Variants in E2F6 observed in about 807,000 individuals in gnomAD.
E2F6 encodes the protein transcription factor E2F6.
E2F6 carries 19 observed loss-of-function variants against 31.5 expected under a neutral mutation model. The ratio of observed to expected loss-of-function variants is 0.60; its 90% CI spans 0.42 to 0.89. The LOEUF (loss-of-function observed/expected upper bound fraction) is 0.89. E2F6 is among the 40% of genes least tolerant of loss of function. E2F6 has a pLI of 0.00. For synonymous variants in E2F6, 121 were observed against 127.7 expected, an observed-to-expected ratio of 0.95 and a Z score of 0.36; for missense variants, 269 against 341.6, an observed-to-expected ratio of 0.79 and a Z score of 1.67.
chr2:11,458,752 T>C (rs889173285), intron 1 of E2F6, among the ~76,000 whole-genome samples: 13 of 152,322 alleles, frequency 8.5e-5, no homozygotes, highest in African/African-American at 3.1e-4. Context: ...GACAAGATGA[T>C]AGCATCTATT....
intron 5 of E2F6, among the ~76,000 whole-genome samples, chr2:11,449,482 T>C (rs1312560958): frequency 1.3e-5 from 2 of 152,194 alleles, no homozygotes; most frequent in Non-Finnish European, 1.5e-5. Context: ...GCAATTATCT[T>C]TCAATGCAAA....
intron 5 of E2F6, among the ~76,000 whole-genome samples, chr2:11,448,010 T>C (rs1248525160): frequency 1.3e-5 from 2 of 152,180 alleles, no homozygotes; most frequent in African/African-American, 4.8e-5. Context: ...ACTCAGGAGC[T>C]GACCCTTCAA....
rs1284597805 is a variant in E2F6, at chr2:11,444,786, C to G, written c.*1691G>C. The G allele has an allele frequency of 6.6e-6, 1 of 152,278 alleles. No individual in the cohort carries two copies. The highest frequency in any genetic ancestry group is 2.4e-5 in the African/African-American group (1 of 41,450). 9.4% of individuals were successfully genotyped at this position (152,278 alleles called of 1,614,324 possible). A position where few individuals can be genotyped will look rare whatever the true frequency, so the allele number is the denominator to read the frequency against. On this transcript the variant is annotated 3_prime_UTR_variant, in exon 7 of 7. Transcript: ENST00000381525. Reference sequence around the variant, plus strand: ...ACCTACATACACACAACAACCTGCTCAACTCTTGCTTTCATCAAGCATGTC... The same window carrying G: ...ACCTACATACACACAACAACCTGCTGAACTCTTGCTTTCATCAAGCATGTC...
At chr2:11,460,429 C>A (rs576061179) in intron 1 of E2F6, among the ~76,000 whole-genome samples, 1 of 152,322 alleles carries the variant, frequency 6.6e-6, no homozygotes, top group East Asian at 1.9e-4. Flanking sequence ...ACAACAACTT[C>A]AGATTCTCTG....
intron 2 of E2F6, chr2:11,456,959 C>A: frequency 8.3e-6 from 4 of 482,760 alleles, no homozygotes; most frequent in Middle Eastern, 5.3e-4. Flanking sequence ...AGAAAATAGC[C>A]TTAAATACAG....
chr2:11,456,405 G>A (rs1476404362), intron 2 of E2F6, among the ~76,000 whole-genome samples: 3 of 152,138 alleles, frequency 2.0e-5, no homozygotes, highest in East Asian at 1.9e-4. Context: ...GACCCTGAAC[G>A]AGAAGAAGCA....
intron 1 of E2F6, among the ~76,000 whole-genome samples, chr2:11,464,476 C>T (rs1266692483): frequency 6.4e-5 from 9 of 140,962 alleles, no homozygotes; most frequent in African/African-American, 2.5e-4. Flanking sequence ...GAGATCAGGC[C>T]ACTGCACTCC....
intron 2 of E2F6, chr2:11,455,337 C>A: frequency 8.6e-7 from 1 of 1,165,196 alleles, no homozygotes; most frequent in Non-Finnish European, 1.1e-6. Context: ...AAATGTCCAT[C>A]CTACCTTCAG....
At chr2:11,451,576 C>T in intron 4 of E2F6, 75 bp downstream of exon 4, 1 of 1,387,556 alleles carries the variant, frequency 7.2e-7, no homozygotes, top group Non-Finnish European at 9.6e-7. Context: ...AAATTAAGTC[C>T]CCAAGCTGAC....
At chr2:11,446,558 T>A (rs1670725443) in intron 6 of E2F6, 35 bp from the exon 7 acceptor site, 2 of 1,577,700 alleles carry the variant, frequency 1.3e-6, no homozygotes, top group African/African-American at 2.7e-5. Flanking sequence ...TACACCTAAG[T>A]GAATACACCT....
At chr2:11,453,427 A>G (rs1671196644) in intron 3 of E2F6, among the ~76,000 whole-genome samples, 155 bp downstream of exon 3, 1 of 152,236 alleles carries the variant, frequency 6.6e-6, no homozygotes, top group Admixed American at 6.5e-5. Flanking sequence ...TGTACTCTCT[A>G]GGATGATGCA....
intron 3 of E2F6, 124 bp downstream of exon 3, chr2:11,453,453 ATTCTC>A: frequency 1.1e-6 from 1 of 875,680 alleles, no homozygotes. Context: ...ATTTTATAGA[ATTCTC>A]TTCTAACAAG....
chr2:11,455,948 G>A (rs2148349426), intron 2 of E2F6, among the ~76,000 whole-genome samples: 1 of 152,326 alleles, frequency 6.6e-6, no homozygotes, highest in African/African-American at 2.4e-5. Flanking sequence ...GACAGAGGGT[G>A]AGGGGCTGAA....
In E2F6 at chr2:11,466,091, G is replaced by A. The variant is rs1311581081; in HGVS notation, c.-212C>T. Reference sequence around the variant, plus strand: ...GTGCCCGGGAGCTCCCGACGCAGACGGAAAAAGAGGAGGGAGACCCGCGGA... The same window carrying A: ...GTGCCCGGGAGCTCCCGACGCAGACAGAAAAAGAGGAGGGAGACCCGCGGA... On this transcript the variant is annotated 5_prime_UTR_variant, in exon 1 of 7. Coordinates refer to ENST00000381525, the MANE Select transcript of E2F6 (RefSeq NM_198256.4). 5.9e-6 allele frequency: 3 copies of A among 511,328 alleles called. No homozygotes were observed. Among genetic ancestry groups the A allele is most frequent in the East Asian group, 3.6e-5 (1 of 27,972 alleles). 31.7% of individuals were successfully genotyped at this position (511,328 alleles called of 1,614,324 possible). A position where few individuals can be genotyped will look rare whatever the true frequency, so the allele number is the denominator to read the frequency against.
intron 6 of E2F6, among the ~76,000 whole-genome samples, chr2:11,446,799 C>A (rs1378278541): frequency 6.6e-6 from 1 of 152,234 alleles, no homozygotes; most frequent in Non-Finnish European, 1.5e-5. Context: ...GGAGCCGTCA[C>A]GACTCCCCCA....
At position 11,445,039 on chromosome 2, in the gene E2F6, A is replaced by T. The variant is rs1440301263; in HGVS notation, c.*1438T>A. 2.6e-5 allele frequency: 4 copies of T among 152,278 alleles called. No homozygotes were observed. The highest frequency in any genetic ancestry group is 4.4e-5 in the Non-Finnish European group (3 of 68,070). 9.4% of individuals were successfully genotyped at this position (152,278 alleles called of 1,614,324 possible). ...ACACACCGGCAGGACTGCTGCAGGAAGGGCTGGTGCTCAGCAGAGGGACAG... is the reference window on the plus strand; with the variant it reads ...ACACACCGGCAGGACTGCTGCAGGATGGGCTGGTGCTCAGCAGAGGGACAG... On this transcript the variant is annotated 3_prime_UTR_variant, in exon 7 of 7. Coordinates refer to ENST00000381525, the MANE Select transcript of E2F6 (RefSeq NM_198256.4).
chr2:11,448,765 G>C (rs555872464), intron 5 of E2F6, among the ~76,000 whole-genome samples: 24 of 152,338 alleles, frequency 1.6e-4, no homozygotes, highest in East Asian at 5.8e-4. Context: ...TTTTGGCTTT[G>C]CAAGTCACAC....
chr2:11,463,928 G>C (rs1433082130), intron 1 of E2F6, among the ~76,000 whole-genome samples: 2 of 134,628 alleles, frequency 1.5e-5, no homozygotes, highest in African/African-American at 5.3e-5. Flanking sequence ...CAGCCAGGGT[G>C]ACAGAGTGAG....
At chr2:11,447,319 G>C (rs1353211270) in intron 6 of E2F6, among the ~76,000 whole-genome samples, 1 of 152,166 alleles carries the variant, frequency 6.6e-6, no homozygotes, top group African/African-American at 2.4e-5. Context: ...CTCCCGGCCA[G>C]GTCATGGGCA....
Sources: allele counts gnomAD v4.1 joint callset (sites outside exome capture counted in the v4.1 genomes callset), GRCh38; gene constraint gnomAD v4.1.1; transcripts MANE v1.5; gene names NCBI Gene and HGNC (gene_info 2026-07-23, HGNC 2026-07-21).